Variants in WNT5B observed in about 807,000 individuals in gnomAD.
WNT5B encodes the protein Wnt family member 5B, also known as protein Wnt-5b.
In WNT5B, 18 loss-of-function variants were observed where a neutral mutation model predicts 36.5. The ratio of observed to expected loss-of-function variants is 0.49; its 90% CI spans 0.34 to 0.73. WNT5B has a LOEUF of 0.73. Among genes scored for constraint, WNT5B ranks in the 30% least tolerant of loss-of-function variants. The pLI, the probability that WNT5B is intolerant of heterozygous loss-of-function variation, is 0.01. For synonymous variants in WNT5B, 213 were observed against 212.3 expected, an observed-to-expected ratio of 1.00 and a Z score of -0.03; for missense variants, 424 against 508.4, an observed-to-expected ratio of 0.83 and a Z score of 1.60.
chr12:1,639,276 T>G (rs2094568578), intron 3 of WNT5B, among the ~76,000 whole-genome samples: 1 of 151,584 alleles, frequency 6.6e-6, no homozygotes, highest in Middle Eastern at 3.4e-3. Flanking sequence ...TAGCTGGGAC[T>G]ACAGGCGCCC....
In WNT5B at chr12:1,632,983, T is replaced by A; in HGVS notation, c.328+78T>A. On this transcript the variant is annotated intron_variant, in intron 3 of 4. Transcript: ENST00000397196. This position sits in a 1 kb window ranked among gnomAD's most constrained non-coding sequence, Gnocchi z 5.8. ...GGGAGCAATTAAGCTCTCTCAGGAC[T>A]GGCACAGGGAGAGCCCAAAGGCAGC... The A allele has an allele frequency of 6.5e-7, 1 of 1,529,190 alleles. No individual in the cohort carries two copies. Among genetic ancestry groups the A allele is most frequent in the Non-Finnish European group, 8.8e-7 (1 of 1,137,202 alleles). 94.7% of individuals were successfully genotyped at this position (1,529,190 alleles called of 1,614,324 possible). A position where few individuals can be genotyped will look rare whatever the true frequency, so the allele number is the denominator to read the frequency against.
Position 1,630,435 on chromosome 12 carries a change from G to C in WNT5B, c.-57-863G>C, listed in dbSNP as rs1318396035. ...TGGGTTACAGCAGGCAGGAGGCCAA[G>C]AGGCGGGAGGCCCGGGAGCCAGCAG... is the stretch of plus-strand genomic sequence containing the variant. On this transcript the variant is annotated intron_variant, in intron 1 of 4. Coordinates refer to ENST00000397196, the MANE Select transcript of WNT5B (RefSeq NM_032642.3). This position sits in a 1 kb window ranked among gnomAD's most constrained non-coding sequence, Gnocchi z 5.3. Among the ~76,000 whole-genome samples the C allele has an allele frequency of 1.3e-5, 2 of 152,172 alleles. No individual in the cohort carries two copies. Among genetic ancestry groups the C allele is most frequent in the East Asian group, 1.9e-4 (1 of 5,172 alleles).
At chr12:1,637,843 A>T (rs545133634) in intron 3 of WNT5B, among the ~76,000 whole-genome samples, 3 of 152,224 alleles carry the variant, frequency 2.0e-5, no homozygotes, top group Non-Finnish European at 4.4e-5. Flanking sequence ...TTAATTAAAA[A>T]TACTTTATTG....
Position 1,618,147 on chromosome 12 carries a change from G to C in WNT5B, c.-58+1004G>C, listed in dbSNP as rs2154439170. On this transcript the variant is annotated intron_variant, in intron 1 of 4. Transcript: ENST00000310594. This position sits in a 1 kb window ranked among gnomAD's most constrained non-coding sequence, Gnocchi z 4.1. ...ACAGTGAGACGATGTCTCCAAAAAA[G>C]AAAAGACAGCTAGCTGACTGCCAGT... is the stretch of plus-strand genomic sequence containing the variant. Among the ~76,000 whole-genome samples the C allele has an allele frequency of 6.6e-6, 1 of 152,236 alleles. No individual in the cohort carries two copies. Among genetic ancestry groups the C allele is most frequent in the East Asian group, 1.9e-4 (1 of 5,186 alleles).
Position 1,633,047 on chromosome 12 carries a change from C to T in WNT5B, c.328+142C>T, listed in dbSNP as rs973355097. On this transcript the variant is annotated intron_variant, in intron 3 of 4. Coordinates refer to ENST00000397196, the MANE Select transcript of WNT5B (RefSeq NM_032642.3). This position sits in a 1 kb window ranked among gnomAD's most constrained non-coding sequence, Gnocchi z 4.8. Reference sequence around the variant, plus strand: ...CTCTAGGCTTGGCAGCAGTGTGCACCACGAGAGAGGCACACGAGGAAGCAG... The same window carrying T: ...CTCTAGGCTTGGCAGCAGTGTGCACTACGAGAGAGGCACACGAGGAAGCAG... The T allele has an allele frequency of 4.0e-6, 5 of 1,253,468 alleles. No individual in the cohort carries two copies. Among genetic ancestry groups the T allele is most frequent in the African/African-American group, 1.5e-5 (1 of 66,864 alleles). The allele number at this position is 1,253,468 out of a possible 1,614,324, so 77.6% of individuals were successfully genotyped here.
upstream of WNT5B, among the ~76,000 whole-genome samples, chr12:1,628,488 T>C (rs1251066451): frequency 6.6e-6 from 1 of 152,206 alleles, no homozygotes; most frequent in Non-Finnish European, 1.5e-5. Context: ...GGAAGGGGAA[T>C]CTTTTTAGAC....
Position 1,639,743 on chromosome 12 carries a change from A to T in WNT5B, c.388A>T (p.Ser130Cys), listed in dbSNP as rs2094570614. 1 of 1,602,324 alleles carries T rather than the reference A, an allele frequency of 6.2e-7. No individual in the cohort carries two copies. The highest frequency in any genetic ancestry group is 8.5e-7 in the Non-Finnish European group (1 of 1,174,808). The change falls in exon 4 of 5, where the codon AGC becomes TGC. Residue 130 changes from serine to cysteine, a missense_variant. Physicochemically the swap from Ser to Cys is moderately radical, Grantham distance 112. Coordinates refer to ENST00000397196, the MANE Select transcript of WNT5B (RefSeq NM_032642.3). ...CGCCGCGGGCGTGGTCAACGCCATC[A>T]GCCGGGCCTGCCGCGAGGGCGAGCT... ...VSAAGVVNAI[S>C]RACREGELST...
intron 3 of WNT5B, among the ~76,000 whole-genome samples, chr12:1,638,590 G>A (rs775376405): frequency 3.3e-5 from 5 of 152,200 alleles, no homozygotes; most frequent in Non-Finnish European, 5.9e-5. Flanking sequence ...ACATTTTACT[G>A]AAATAGAACA....
At chr12:1,622,326 G>A (rs1397799723) in intron 1 of WNT5B, among the ~76,000 whole-genome samples, 2 of 151,996 alleles carry the variant, frequency 1.3e-5, no homozygotes, top group African/African-American at 4.8e-5. Context: ...ACTTTTCTGG[G>A]CAGGTTTTCT....
intron 3 of WNT5B, among the ~76,000 whole-genome samples, chr12:1,639,427 G>C (rs1020464546): frequency 1.3e-5 from 2 of 151,760 alleles, no homozygotes; most frequent in Admixed American, 1.3e-4. Context: ...CTGAGCCACC[G>C]CGCCGGGCCA....
intron 3 of WNT5B, among the ~76,000 whole-genome samples, chr12:1,637,707 G>A (rs1288284947): frequency 6.6e-6 from 1 of 151,048 alleles, no homozygotes; most frequent in African/African-American, 2.4e-5. Flanking sequence ...CTGAGATCGT[G>A]CCACTGCACT....
Position 1,632,697 on chromosome 12 carries a change from T to TA in WNT5B, c.121dup (p.Ile41AsnfsTer171), listed in dbSNP as rs1565607186. ...ACCCGGTGCAGAGACCCGAGATGTTTATCATCGGTGCCCAGCCCGTGTGCA... is the reference window on the plus strand; with the variant it reads ...ACCCGGTGCAGAGACCCGAGATGTTTAATCATCGGTGCCCAGCCCGTGTGCA... On this transcript the variant is annotated frameshift_variant, in exon 3 of 5. Coordinates refer to ENST00000397196, the MANE Select transcript of WNT5B (RefSeq NM_032642.3). LOFTEE classifies it high-confidence loss of function. This position sits in a 1 kb window ranked among gnomAD's most constrained non-coding sequence, Gnocchi z 5.8. 6.2e-7 allele frequency: 1 copy of TA among 1,612,030 alleles called. No individual in the cohort carries two copies. Among genetic ancestry groups the TA allele is most frequent in the Non-Finnish European group, 8.5e-7 (1 of 1,178,234 alleles).
Position 1,630,314 on chromosome 12 carries a change from T to C in WNT5B, c.-58+943T>C. 9.4e-6 allele frequency: 8 copies of C among 849,998 alleles called. No homozygotes were observed. Among genetic ancestry groups the C allele is most frequent in the Non-Finnish European group, 9.9e-6 (7 of 706,612 alleles). 52.7% of individuals were successfully genotyped at this position (849,998 alleles called of 1,614,324 possible). Reference sequence around the variant, plus strand: ...CCGCGGGGGAGCCGCAGGGGCCGTGTGTCCCGAGGCGCAGGCTCGCTCTAG... The same window carrying C: ...CCGCGGGGGAGCCGCAGGGGCCGTGCGTCCCGAGGCGCAGGCTCGCTCTAG... On this transcript the variant is annotated intron_variant, in intron 1 of 4. Coordinates refer to ENST00000397196, the MANE Select transcript of WNT5B (RefSeq NM_032642.3). This position sits in a 1 kb window ranked among gnomAD's most constrained non-coding sequence, Gnocchi z 5.3.
chr12:1,639,169 A>T (rs751523183), intron 3 of WNT5B, among the ~76,000 whole-genome samples: 12 of 149,810 alleles, frequency 8.0e-5, no homozygotes, highest in East Asian at 5.9e-4. Context: ...ACAGAGTCTC[A>T]CTCTGTCGCC....
chr12:1,642,121 A>G (rs146873850), intron 4 of WNT5B, among the ~76,000 whole-genome samples: 1,746 of 152,326 alleles, frequency 0.011, 15 homozygotes, highest in Middle Eastern at 0.02. Context: ...TGATTATGAT[A>G]GGCTAACCCA....
intron 3 of WNT5B, 87 bp from the exon 4 acceptor site, chr12:1,639,597 T>TG: frequency 7.2e-7 from 1 of 1,392,300 alleles, no homozygotes; most frequent in East Asian, 2.7e-5. Flanking sequence ...AGCCGTGGCG[T>TG]GCGGGTCCGT....
At position 1,639,667 on chromosome 12, in the gene WNT5B, CTGGCCT is replaced by C. The variant is rs1565610858; in HGVS notation, c.329-16_329-11del. 3 of 1,514,334 alleles carry C rather than the reference CTGGCCT, an allele frequency of 2.0e-6. No homozygotes were observed. Among genetic ancestry groups the C allele is most frequent in the Non-Finnish European group, 8.8e-7 (1 of 1,141,378 alleles). 93.8% of individuals were successfully genotyped at this position (1,514,334 alleles called of 1,614,324 possible). On this transcript the variant is annotated splice_polypyrimidine_tract_variant and intron_variant, in intron 3 of 4. Coordinates refer to ENST00000397196, the MANE Select transcript of WNT5B (RefSeq NM_032642.3). ...GAGGAGAGCGCACCCGCTTACCGCC[CTGGCCT>C]CATTCTGCAGGCAGCCGAGAGACCG...
chr12:1,626,764 A>C (rs2094541796), upstream of WNT5B, among the ~76,000 whole-genome samples: 1 of 148,964 alleles, frequency 6.7e-6, no homozygotes, highest in Non-Finnish European at 1.5e-5. Context: ...ACGGGGTTTC[A>C]CCGTGTTAGC....
chr12:1,646,222 G>A lies in WNT5B; in HGVS notation c.1050G>A (p.Thr350=), dbSNP rs1357877836. 6.2e-6 allele frequency: 10 copies of A among 1,613,298 alleles called. No individual in the cohort carries two copies. The highest frequency in any genetic ancestry group is 3.3e-5 in the Admixed American group (2 of 60,018). Residue 350 remains threonine (T), a synonymous_variant, in exon 5 of 5, where the codon ACG becomes ACA. Coordinates refer to ENST00000397196, the MANE Select transcript of WNT5B (RefSeq NM_032642.3). The part of the protein sequence containing the change: ...WCCFVRCKKC[T]EIVDQYICK ...GCTTCGTCAGGTGTAAGAAGTGCACGGAGATCGTGGACCAGTACATCTGTA... is the reference window on the plus strand; with the variant it reads ...GCTTCGTCAGGTGTAAGAAGTGCACAGAGATCGTGGACCAGTACATCTGTA...
Sources: allele counts gnomAD v4.1 joint callset (sites outside exome capture counted in the v4.1 genomes callset), GRCh38; gene constraint gnomAD v4.1.1; non-coding constraint Gnocchi (gnomAD v3.1); transcripts MANE v1.5; gene names NCBI Gene and HGNC (gene_info 2026-07-23, HGNC 2026-07-21).